Variants in RABGAP1L observed in about 807,000 individuals in gnomAD.
The protein encoded by RABGAP1L is rab GTPase-activating protein 1-like.
In RABGAP1L, 63 loss-of-function variants were observed where a neutral mutation model predicts 137.7. The ratio of observed to expected loss-of-function variants is 0.46; its 90% CI spans 0.37 to 0.56. The LOEUF (loss-of-function observed/expected upper bound fraction) is 0.56, where lower values mean the gene tolerates loss of function less well. Among genes scored for constraint, RABGAP1L ranks in the 20% least tolerant of loss-of-function variants. The pLI, the probability that RABGAP1L is intolerant of heterozygous loss-of-function variation, is 0.00. For missense variants in RABGAP1L, 1,095 were observed against 1,244.0 expected (o/e 0.88, Z 1.80); for synonymous variants, 431 against 433.7 (o/e 0.99, Z 0.08).
intron 13 of RABGAP1L, among the ~76,000 whole-genome samples, chr1:174,610,043 C>CT (rs1472777787): frequency 2.8e-5 from 4 of 142,192 alleles, no homozygotes; most frequent in Admixed American, 1.4e-4. Flanking sequence ...TTTTTTTTTT[C>CT]TTTTTTTAAA....
intron 14 of RABGAP1L, among the ~76,000 whole-genome samples, chr1:174,671,734 A>G (rs2148448025): frequency 1.3e-5 from 2 of 152,228 alleles, no homozygotes; most frequent in South Asian, 4.1e-4. Flanking sequence ...ATTTGCATGT[A>G]TGTTCATCAT....
intron 11 of RABGAP1L, among the ~76,000 whole-genome samples, chr1:174,353,559 G>A (rs937010302): frequency 6.6e-6 from 1 of 152,182 alleles, no homozygotes; most frequent in Non-Finnish European, 1.5e-5. Flanking sequence ...AGGACCCAGA[G>A]TGCTTTAGCC....
intron 19 of RABGAP1L, among the ~76,000 whole-genome samples, chr1:174,814,330 T>G (rs1224045474): frequency 6.6e-6 from 1 of 152,122 alleles, no homozygotes; most frequent in Non-Finnish European, 1.5e-5. Context: ...GTTTTAATAG[T>G]TTTTTGTGGG....
At chr1:174,670,726 G>A (rs940260547) in intron 14 of RABGAP1L, among the ~76,000 whole-genome samples, 2 of 152,086 alleles carry the variant, frequency 1.3e-5, no homozygotes, top group African/African-American at 4.8e-5. Context: ...GCAATTGATA[G>A]GATATTTTTT....
chr1:174,247,434 G>A (rs962272788), intron 5 of RABGAP1L, among the ~76,000 whole-genome samples: 1 of 152,148 alleles, frequency 6.6e-6, no homozygotes, highest in African/African-American at 2.4e-5. Flanking sequence ...ATTATTTTAG[G>A]CATATAGAGA....
At chr1:174,667,473 C>A (rs145257549) in intron 14 of RABGAP1L, among the ~76,000 whole-genome samples, 1 of 152,188 alleles carries the variant, frequency 6.6e-6, no homozygotes, top group Non-Finnish European at 1.5e-5. Context: ...TTCCCTAAAC[C>A]TATTTGCATC....
intron 1 of RABGAP1L, among the ~76,000 whole-genome samples, chr1:174,188,273 G>A (rs1436190358): frequency 6.6e-6 from 1 of 152,144 alleles, no homozygotes; most frequent in African/African-American, 2.4e-5. Flanking sequence ...TTCTCGTGCT[G>A]AAATGATCTT....
intron 11 of RABGAP1L, among the ~76,000 whole-genome samples, chr1:174,330,566 C>CA (rs1157724199): frequency 1.3e-5 from 2 of 151,374 alleles, no homozygotes; most frequent in African/African-American, 2.4e-5. Context: ...CCCTGAATGA[C>CA]AGAGTGAGAC....
chr1:174,897,064 A>G (rs567929132), intron 19 of RABGAP1L: 2 of 152,274 alleles, frequency 1.3e-5, no homozygotes, highest in East Asian at 3.9e-4. Context: ...GATTCTTCCT[A>G]TCCATGAGCA....
chr1:174,412,859 C>T (rs1454768897), intron 13 of RABGAP1L, among the ~76,000 whole-genome samples: 2 of 152,100 alleles, frequency 1.3e-5, no homozygotes, highest in Non-Finnish European at 2.9e-5. Context: ...TCCCTTTGTA[C>T]ATGATCTGAC....
At chr1:174,475,669 G>T (rs925926465) in intron 13 of RABGAP1L, among the ~76,000 whole-genome samples, 2 of 151,436 alleles carry the variant, frequency 1.3e-5, no homozygotes, top group African/African-American at 4.9e-5. Flanking sequence ...GCTCTGGGAG[G>T]CTGAGGTGGG....
intron 12 of RABGAP1L, among the ~76,000 whole-genome samples, chr1:174,375,769 GA>G (rs1210914266): frequency 1.3e-5 from 2 of 151,904 alleles, no homozygotes; most frequent in Non-Finnish European, 2.9e-5. Context: ...AAATATTTAA[GA>G]AAAAAATAAT....
chr1:174,547,600 GAGTGAAACACTGTCTAAAAGAAA>G (rs1666123997), intron 13 of RABGAP1L, among the ~76,000 whole-genome samples: 1 of 152,176 alleles, frequency 6.6e-6, no homozygotes. Flanking sequence ...CTAGGCAACA[GAGTGAAACACTGTCTAAAAGAAA>G]AGAAGAAAAG....
chr1:174,448,912 G>A lies in RABGAP1L; in HGVS notation c.1710+54767G>A, dbSNP rs1558243903. On this transcript the variant is annotated intron_variant, in intron 13 of 25. Coordinates refer to ENST00000681986, the MANE Select transcript of RABGAP1L (RefSeq NM_001366446.1). This position sits in a 1 kb window ranked among gnomAD's most constrained non-coding sequence, Gnocchi z 4.2. The stretch of plus-strand genomic sequence containing the variant: ...CTGACCGTCGCTACGCCATGGTTTT[G>A]TTTAGGATAACCAGTGTATTTTATA... 6.2e-7 allele frequency: 1 copy of A among 1,613,880 alleles called. No individual in the cohort carries two copies. The highest frequency in any genetic ancestry group is 8.5e-7 in the Non-Finnish European group (1 of 1,179,776).
chr1:174,546,507 C>G (rs1666020590), intron 13 of RABGAP1L, among the ~76,000 whole-genome samples: 1 of 152,016 alleles, frequency 6.6e-6, no homozygotes, highest in East Asian at 1.9e-4. Flanking sequence ...TAGATAACAC[C>G]CAGTTCTGTA....
At chr1:174,438,649 C>T (rs113284823) in intron 13 of RABGAP1L, among the ~76,000 whole-genome samples, 2,143 of 148,910 alleles carry the variant, frequency 0.014, 32 homozygotes, top group South Asian at 0.031. Flanking sequence ...ACCCAGGAGG[C>T]GGAGTTTGCA....
chr1:174,777,606 C>G (rs1269924415), intron 18 of RABGAP1L, among the ~76,000 whole-genome samples: 1 of 152,096 alleles, frequency 6.6e-6, no homozygotes, highest in East Asian at 1.9e-4. Flanking sequence ...CGAAATCACT[C>G]TAGATTTTAT....
chr1:174,669,123 A>G (rs1676997395), intron 14 of RABGAP1L, among the ~76,000 whole-genome samples: 1 of 152,196 alleles, frequency 6.6e-6, no homozygotes, highest in Non-Finnish European at 1.5e-5. Flanking sequence ...GGGAGGTGTC[A>G]GGAAATTTAC....
At chr1:174,712,650 C>T (rs770726527) in intron 17 of RABGAP1L, among the ~76,000 whole-genome samples, 1 of 152,178 alleles carries the variant, frequency 6.6e-6, no homozygotes, top group Non-Finnish European at 1.5e-5. Context: ...AGTGGTTTTC[C>T]CCTGCAGTCA....
Sources: allele counts gnomAD v4.1 joint callset (sites outside exome capture counted in the v4.1 genomes callset), GRCh38; gene constraint gnomAD v4.1.1; non-coding constraint Gnocchi (gnomAD v3.1); transcripts MANE v1.5; gene names NCBI Gene and HGNC (gene_info 2026-07-23, HGNC 2026-07-21).